Variants in DMD observed in about 807,000 individuals in gnomAD.
The protein encoded by DMD is mutant dystrophin.
In DMD, 63 loss-of-function variants were observed where a neutral mutation model predicts 330.1. The ratio of observed to expected loss-of-function variants is 0.19; its 90% CI spans 0.16 to 0.24. The LOEUF (loss-of-function observed/expected upper bound fraction) is 0.24, where lower values mean the gene tolerates loss of function less well. DMD is among the 10% of genes least tolerant of loss of function. DMD has a pLI of 1.00. For synonymous variants in DMD, 1,223 were observed against 959.8 expected (o/e 1.27, Z -5.07); for missense variants, 3,344 against 2,684.1 (o/e 1.25, Z -5.43).
intron 55 of DMD, among the ~76,000 whole-genome samples, chrX:31,578,103 G>A (rs1042645317): frequency 1.8e-5 from 2 of 111,507 alleles, no homozygotes; most frequent in African/African-American, 6.5e-5. Context: ...TGTTAGATCA[G>A]AGCAGTGCTA....
chrX:31,526,054 C>T (rs1478672064), intron 55 of DMD, among the ~76,000 whole-genome samples: 1 of 112,506 alleles, frequency 8.9e-6, no homozygotes, highest in African/African-American at 3.2e-5. Context: ...CTTCTCCCAA[C>T]ATCCCACTGC....
At chrX:31,333,966 T>C (rs5927724) in intron 61 of DMD, among the ~76,000 whole-genome samples, 36,755 of 108,584 alleles carry the variant, frequency 0.34, 4,713 homozygotes, top group East Asian at 0.58. Flanking sequence ...AGAGTCTTGC[T>C]CCGTCACCCA....
At chrX:32,237,163 A>T (rs1902525) in intron 43 of DMD, among the ~76,000 whole-genome samples, 29,584 of 110,167 alleles carry the variant, frequency 0.27, 3,219 homozygotes, top group East Asian at 0.48. Context: ...ATTTTTATAT[A>T]TTTTAATGCT....
rs1479752890 is a variant in DMD at position 31,156,004 on chromosome X, G to A, written c.10554-8486C>T. ...AGGGAGACTCCATTTAAAAAAAAAA[G>A]TGACAATAAAATTTTACAGTACAGC... On this transcript the variant is annotated intron_variant, in intron 74 of 78. Transcript: ENST00000357033. 2.7e-5 allele frequency among the ~76,000 whole-genome samples: 3 copies of A among 109,903 alleles called. 1 individual carries two copies. The highest frequency in any genetic ancestry group is 5.7e-5 in the Non-Finnish European group (3 of 52,691).
chrX:31,430,070 T>A (rs2063952323), intron 60 of DMD, among the ~76,000 whole-genome samples: 1 of 111,141 alleles, frequency 9.0e-6, no homozygotes, highest in Admixed American at 9.6e-5. Context: ...CTTTGTATTT[T>A]ATTACCTAAA....
At chrX:31,425,778 T>C (rs759998003) in intron 60 of DMD, among the ~76,000 whole-genome samples, 12 of 110,443 alleles carry the variant, frequency 1.1e-4, no homozygotes, top group African/African-American at 3.4e-4. Flanking sequence ...TGCGGATATG[T>C]TGCTTGGCGC....
At chrX:32,683,404 C>A (rs1287583994) in intron 9 of DMD, among the ~76,000 whole-genome samples, 1 of 109,609 alleles carries the variant, frequency 9.1e-6, no homozygotes, top group Admixed American at 9.8e-5. Flanking sequence ...AAATGTCCAA[C>A]AATGATAGAC....
In DMD at chrX:31,880,623, G is replaced by A. The variant is rs549860844; in HGVS notation, c.6913-5250C>T. ...AGTTCTGGAAAACAAGCAATTTTAT[G>A]ATCTTCCTTGGAGCCCTATTATACA... is the stretch of plus-strand genomic sequence containing the variant. On this transcript the variant is annotated intron_variant, in intron 47 of 78. Coordinates refer to ENST00000357033, the MANE Select transcript of DMD (RefSeq NM_004006.3). Among the ~76,000 whole-genome samples the A allele has an allele frequency of 4.2e-4, 47 of 112,052 alleles. 1 individual carries two copies. The highest frequency in any genetic ancestry group is 1.5e-3 in the African/African-American group (45 of 30,839).
Position 32,550,491 on chromosome X carries a change from C to T in DMD, c.1993-5157G>A, listed in dbSNP as rs757844248. On this transcript the variant is annotated intron_variant, in intron 16 of 78. Coordinates refer to ENST00000357033, the MANE Select transcript of DMD (RefSeq NM_004006.3). ...CAGAATCTCTGGGACACACACAAAG[C>T]AGCGTTAAGAGGCAAGCTTATGGCA... 2.2e-3 allele frequency among the ~76,000 whole-genome samples: 239 copies of T among 111,124 alleles called. 1 individual carries two copies. Among genetic ancestry groups the T allele is most frequent in the African/African-American group, 7.2e-3 (221 of 30,632 alleles).
intron 18 of DMD, among the ~76,000 whole-genome samples, chrX:32,511,285 A>G (rs2045279900): frequency 9.1e-6 from 1 of 110,444 alleles, no homozygotes; most frequent in African/African-American, 3.3e-5. Context: ...GCACTTTGGG[A>G]GGCCAAGGCA....
intron 9 of DMD, among the ~76,000 whole-genome samples, chrX:32,662,890 C>A (rs955549279): frequency 8.9e-6 from 1 of 111,784 alleles, no homozygotes; most frequent in African/African-American, 3.2e-5. Context: ...TGGCAATTTT[C>A]CTTGAGTGAT....
chrX:31,792,691 G>A (rs972652422), intron 50 of DMD, among the ~76,000 whole-genome samples: 4 of 111,986 alleles, frequency 3.6e-5, no homozygotes, highest in African/African-American at 1.3e-4. Context: ...ACTGGAGGGA[G>A]TGTGCAAGCA....
chrX:32,216,260 A>C (rs1469828943), intron 44 of DMD, among the ~76,000 whole-genome samples: 1 of 112,029 alleles, frequency 8.9e-6, no homozygotes, highest in Non-Finnish European at 1.9e-5. Context: ...TAGCAACCAA[A>C]TTATATCCTG....
At chrX:32,251,267 C>A (rs981926287) in intron 43 of DMD, among the ~76,000 whole-genome samples, 10 of 111,212 alleles carry the variant, frequency 9.0e-5, no homozygotes, top group African/African-American at 3.3e-4. Context: ...GGTTATTGCA[C>A]CCACTCACAT....
intron 76 of DMD, among the ~76,000 whole-genome samples, chrX:31,138,670 A>G (rs1350592602): frequency 2.2e-4 from 8 of 35,984 alleles, no homozygotes; most frequent in Admixed American, 3.0e-4. Context: ...AGAGAGAGAG[A>G]GAGAGAGAGA....
Position 31,178,694 on chromosome X carries a change from C to T in DMD, c.10198G>A (p.Val3400Ile). 1 of 1,211,050 alleles carries T rather than the reference C, an allele frequency of 8.3e-7. No homozygotes were observed. Among genetic ancestry groups the T allele is most frequent in the Non-Finnish European group, 1.1e-6 (1 of 894,712 alleles). Residue 3400 changes from valine (V) to isoleucine (I), a missense_variant, in exon 70 of 79, where the codon GTC (valine) becomes ATC (isoleucine). Physicochemically the swap from Val to Ile is conservative, Grantham distance 29. Transcript: ENST00000357033. Reference sequence around the variant, plus strand: ...GTTTCCATGTTGTCCCCCTCTAAGACAGTCTGCACTGGCAGGTAGCCCATT... The same window carrying T: ...GTTTCCATGTTGTCCCCCTCTAAGATAGTCTGCACTGGCAGGTAGCCCATT... ...PRMGYLPVQT[V>I]LEGDNMETPV...
intron 13 of DMD, among the ~76,000 whole-genome samples, chrX:32,579,053 A>T (rs2053370221): frequency 9.0e-6 from 1 of 111,610 alleles, no homozygotes; most frequent in Non-Finnish European, 1.9e-5. Flanking sequence ...AAACCATTGA[A>T]AAAAACAAAA....
At chrX:31,592,380 C>CTATA (rs34388625) in intron 55 of DMD, among the ~76,000 whole-genome samples, 3,838 of 92,112 alleles carry the variant, frequency 0.042, 146 homozygotes, top group Admixed American at 0.14. Context: ...CATATATATT[C>CTATA]TATATATATA....
Position 31,478,319 on chromosome X carries a change from A to C in DMD, c.8724T>G (p.Ala2908=). The part of the protein sequence containing the change: ...QNVTRLLRKQ[A]EEVNTEWEKL... ...TTTCCCACTCAGTATTGACCTCCTC[A>C]GCCTGCTTTCGTAGAAGCCGAGTGA... Residue 2908 remains alanine (A), a synonymous_variant, in exon 59 of 79, where the codon GCT becomes GCG. Transcript: ENST00000357033. 1 of 1,211,675 alleles carries C rather than the reference A, an allele frequency of 8.3e-7. No homozygotes were observed. Among genetic ancestry groups the C allele is most frequent in the South Asian group, 1.8e-5 (1 of 56,991 alleles).
Sources: gnomAD v4.1 joint callset for allele counts (sites outside exome capture counted in the v4.1 genomes callset) on GRCh38, gnomAD v4.1.1 for gene constraint, MANE v1.5 for transcripts, NCBI Gene and HGNC (gene_info 2026-07-23, HGNC 2026-07-21) for gene names.